The following EXOC4 variants were observed in gnomAD, a reference collection of about 807,000 sequenced individuals.
EXOC4 encodes the protein exocyst complex component 4.
A neutral mutation model predicts 107.2 loss-of-function variants in EXOC4; 71 were observed. The ratio of observed to expected loss-of-function variants is 0.66; its 90% CI spans 0.55 to 0.81. The LOEUF is 0.81. Ranked by LOEUF, EXOC4 falls within the 30% of genes least tolerant of loss-of-function variation. The probability of loss-of-function intolerance (pLI) is 0.00; values close to 1 mark genes in which losing one functional copy is unlikely to be tolerated. For missense variants in EXOC4, 1,108 were observed against 1,189.6 expected (o/e 0.93, Z 1.01); for synonymous variants, 456 against 441.2 (o/e 1.03, Z -0.42).
chr7:133,487,591 C>T (rs1799292328), intron 9 of EXOC4, among the ~76,000 whole-genome samples: 2 of 151,966 alleles, frequency 1.3e-5, no homozygotes, highest in Non-Finnish European at 2.9e-5. Flanking sequence ...TACCTGTAGT[C>T]CTAGCTAGTC....
At chr7:134,067,992 T>C (rs1796209936), downstream of EXOC4, among the ~76,000 whole-genome samples, 1 of 152,160 alleles carries the variant, frequency 6.6e-6, no homozygotes, top group Admixed American at 6.5e-5. Context: ...GTTCCTCAGG[T>C]TGCTCTTGCT....
At position 133,336,088 on chromosome 7, in the gene EXOC4, T is replaced by G. The variant is rs369849257; in HGVS notation, c.763+18698T>G. ...AGAGGCTCTTTATATATTCTGTATATTAACACATTTTCAGATGTGTGATTT... is the reference window on the plus strand; with the variant it reads ...AGAGGCTCTTTATATATTCTGTATAGTAACACATTTTCAGATGTGTGATTT... On this transcript the variant is annotated intron_variant, in intron 5 of 17. Transcript: ENST00000253861. Among the ~76,000 whole-genome samples, 8 of 152,230 alleles carry G rather than the reference T, an allele frequency of 5.3e-5. No homozygotes were observed. The East Asian group carries it at 1.3e-3, about 26-fold the overall frequency.
chr7:134,021,433 A>G (rs1184615344), intron 17 of EXOC4, among the ~76,000 whole-genome samples: 1 of 152,210 alleles, frequency 6.6e-6, no homozygotes, highest in Non-Finnish European at 1.5e-5. Context: ...GGCTCTGAAC[A>G]GTAATTCAAA....
chr7:134,099,469 T>G, the EXOC4 span, among the ~76,000 whole-genome samples: 1 of 149,206 alleles, frequency 6.7e-6, no homozygotes, highest in Non-Finnish European at 1.5e-5. Flanking sequence ...GCCTTCTAGT[T>G]CCCCCCAGTG....
chr7:133,522,278 A>G (rs1000230391), intron 9 of EXOC4, among the ~76,000 whole-genome samples: 4 of 152,156 alleles, frequency 2.6e-5, no homozygotes, highest in African/African-American at 7.2e-5. Context: ...AGTTTCAGCC[A>G]TAACTTAGTA....
At chr7:134,038,247 C>T (rs540315682) in intron 17 of EXOC4, among the ~76,000 whole-genome samples, 6 of 152,318 alleles carry the variant, frequency 3.9e-5, no homozygotes, top group African/African-American at 4.8e-5. Context: ...AACTTTCACA[C>T]GGCAAATTGA....
At chr7:133,387,955 G>C (rs1796765246) in intron 7 of EXOC4, among the ~76,000 whole-genome samples, 1 of 151,844 alleles carries the variant, frequency 6.6e-6, no homozygotes, top group Non-Finnish European at 1.5e-5. Context: ...ATAAAGACCT[G>C]GGGGAGATGG....
Position 133,705,808 on chromosome 7 carries a change from C to T in EXOC4, c.1514+75667C>T, listed in dbSNP as rs531055481. Among the ~76,000 whole-genome samples, 44 of 152,282 alleles carry T rather than the reference C, an allele frequency of 2.9e-4. No homozygotes were observed. In the East Asian group the frequency reaches 7.5e-3, roughly 26 times the overall value. ...ATATCCTGGATGAGACAGAGTGGGACAGCATGAGATGTCATCACACTACTC... is the reference window on the plus strand; with the variant it reads ...ATATCCTGGATGAGACAGAGTGGGATAGCATGAGATGTCATCACACTACTC... On this transcript the variant is annotated intron_variant, in intron 10 of 17. Transcript: ENST00000253861.
intron 13 of EXOC4, among the ~76,000 whole-genome samples, chr7:133,918,536 G>T (rs1472634791): frequency 6.6e-6 from 1 of 152,192 alleles, no homozygotes; most frequent in Non-Finnish European, 1.5e-5. Context: ...CTTCCTGTGT[G>T]TGTGTTCACA....
At chr7:133,501,263 C>T (rs370722853) in intron 9 of EXOC4, among the ~76,000 whole-genome samples, 1 of 152,112 alleles carries the variant, frequency 6.6e-6, no homozygotes, top group Non-Finnish European at 1.5e-5. Flanking sequence ...ATGCAAAGCT[C>T]TGATAATTAA....
chr7:133,611,065 A>G (rs1364196111), intron 9 of EXOC4, among the ~76,000 whole-genome samples: 1 of 151,412 alleles, frequency 6.6e-6, no homozygotes, highest in Non-Finnish European at 1.5e-5. Flanking sequence ...CAGCCTCCCA[A>G]AGGCTGGGAT....
chr7:134,003,909 A>C (rs983242546), intron 15 of EXOC4, among the ~76,000 whole-genome samples: 1 of 152,104 alleles, frequency 6.6e-6, no homozygotes, highest in African/African-American at 2.4e-5. Flanking sequence ...GCCAAAAAGC[A>C]CCTGAGAATT....
chr7:133,363,973 G>A (rs1241487207), intron 6 of EXOC4, among the ~76,000 whole-genome samples: 2 of 152,148 alleles, frequency 1.3e-5, no homozygotes, highest in Admixed American at 1.3e-4. Flanking sequence ...GCACCTTCAT[G>A]TGTCTCTCAG....
At chr7:133,885,741 A>G (rs1799071702) in intron 11 of EXOC4, among the ~76,000 whole-genome samples, 1 of 152,240 alleles carries the variant, frequency 6.6e-6, no homozygotes, top group African/African-American at 2.4e-5. Context: ...GAGGAGGCAC[A>G]AAGGCACAGA....
At chr7:133,662,910 C>T (rs1793728787) in intron 10 of EXOC4, among the ~76,000 whole-genome samples, 1 of 152,154 alleles carries the variant, frequency 6.6e-6, no homozygotes, top group African/African-American at 2.4e-5. Context: ...CAAAACATCT[C>T]ACAGACCTGC....
At chr7:133,514,324 C>T (rs1177783363) in intron 9 of EXOC4, among the ~76,000 whole-genome samples, 2 of 152,046 alleles carry the variant, frequency 1.3e-5, no homozygotes, top group East Asian at 3.9e-4. Flanking sequence ...GCCACCGCGC[C>T]CAGCTAATTT....
chr7:133,918,833 A>G (rs933392548), intron 13 of EXOC4, among the ~76,000 whole-genome samples: 6 of 152,192 alleles, frequency 3.9e-5, no homozygotes, highest in Admixed American at 3.9e-4. Context: ...AAGTGAATGA[A>G]TAAGTGGTAA....
At chr7:133,382,697 ATTTC>A (rs1458402386) in intron 7 of EXOC4, among the ~76,000 whole-genome samples, 6 of 152,182 alleles carry the variant, frequency 3.9e-5, no homozygotes, top group African/African-American at 1.4e-4. Flanking sequence ...AAATTTCTGT[ATTTC>A]TTTGAATGGA....
intron 7 of EXOC4, among the ~76,000 whole-genome samples, chr7:133,447,629 A>G (rs1281783030): frequency 2.0e-5 from 3 of 152,022 alleles, no homozygotes; most frequent in Non-Finnish European, 4.4e-5. Flanking sequence ...TTATCAATAA[A>G]TGTAGATATG....
Sources: gnomAD v4.1 joint callset for allele counts (sites outside exome capture counted in the v4.1 genomes callset) on GRCh38, gnomAD v4.1.1 for gene constraint, MANE v1.5 for transcripts, NCBI Gene and HGNC (gene_info 2026-07-23, HGNC 2026-07-21) for gene names.